Variants in ARHGAP15 observed in about 807,000 individuals in gnomAD.
ARHGAP15 encodes the protein rho GTPase-activating protein 15.
Under a neutral mutation model 63.7 loss-of-function variants are expected in ARHGAP15, and 51 were observed. The ratio of observed to expected loss-of-function variants is 0.80; its 90% CI spans 0.64 to 1.01. The LOEUF is 1.01. Among genes scored for constraint, ARHGAP15 ranks in the 50% least tolerant of loss-of-function variants. The pLI, the probability that ARHGAP15 is intolerant of heterozygous loss-of-function variation, is 0.00. For synonymous variants in ARHGAP15, 191 were observed against 193.8 expected, an observed-to-expected ratio of 0.99 and a Z score of 0.12; for missense variants, 560 against 564.6, an observed-to-expected ratio of 0.99 and a Z score of 0.08.
intron 8 of ARHGAP15, among the ~76,000 whole-genome samples, chr2:143,482,303 T>A (rs573416378): frequency 1.3e-5 from 2 of 152,306 alleles, no homozygotes; most frequent in South Asian, 4.1e-4. Context: ...ATCTTTAAAC[T>A]GCAGGAAGCT....
intron 12 of ARHGAP15, among the ~76,000 whole-genome samples, chr2:143,664,099 C>T (rs1373036644): frequency 6.6e-6 from 1 of 152,086 alleles, no homozygotes; most frequent in Non-Finnish European, 1.5e-5. Flanking sequence ...CCCAAATCAA[C>T]AGAATATACA....
intron 11 of ARHGAP15, among the ~76,000 whole-genome samples, chr2:143,583,409 T>C (rs1326217737): frequency 2.0e-5 from 3 of 152,182 alleles, no homozygotes; most frequent in Non-Finnish European, 2.9e-5. Context: ...TTGTATAACA[T>C]TGTCATTTGT....
At chr2:143,660,391 A>G (rs1027235819) in intron 12 of ARHGAP15, among the ~76,000 whole-genome samples, 1 of 152,332 alleles carries the variant, frequency 6.6e-6, no homozygotes, top group Admixed American at 6.5e-5. Flanking sequence ...CCAACGTTCC[A>G]TAGTTTTTGG....
chr2:143,250,243 C>G (rs2104976186), intron 5 of ARHGAP15, among the ~76,000 whole-genome samples: 1 of 151,986 alleles, frequency 6.6e-6, no homozygotes, highest in Admixed American at 6.6e-5. Context: ...CTAAAGAATA[C>G]CATCTCAAAA....
chr2:143,309,516 A>T (rs536575496), intron 6 of ARHGAP15, among the ~76,000 whole-genome samples: 2 of 152,078 alleles, frequency 1.3e-5, no homozygotes, highest in Admixed American at 1.3e-4. Flanking sequence ...AGTACATCGG[A>T]TACACTCCAC....
chr2:143,542,158 G>A (rs950834226), intron 10 of ARHGAP15, among the ~76,000 whole-genome samples: 1 of 152,216 alleles, frequency 6.6e-6, no homozygotes, highest in African/African-American at 2.4e-5. Flanking sequence ...GGCTTCGTGG[G>A]CGTAGGACCC....
intron 6 of ARHGAP15, among the ~76,000 whole-genome samples, chr2:143,354,207 A>G (rs1685706882): frequency 1.3e-5 from 2 of 152,138 alleles, no homozygotes; most frequent in South Asian, 4.1e-4. Context: ...TATGAGAGGC[A>G]GTTTTGAAAC....
chr2:143,752,781 G>A (rs990813757), intron 13 of ARHGAP15, among the ~76,000 whole-genome samples: 9 of 152,116 alleles, frequency 5.9e-5, no homozygotes, highest in Admixed American at 5.2e-4. Flanking sequence ...GAAGCTCTGG[G>A]GCACATAGAG....
chr2:143,610,890 G>A (rs1331438499), intron 11 of ARHGAP15, among the ~76,000 whole-genome samples: 8 of 151,930 alleles, frequency 5.3e-5, no homozygotes, highest in Admixed American at 2.6e-4. Context: ...CATCATGTCC[G>A]GCTAATTTTT....
At chr2:143,575,473 G>A (rs909794157) in intron 11 of ARHGAP15, among the ~76,000 whole-genome samples, 7 of 152,206 alleles carry the variant, frequency 4.6e-5, no homozygotes, top group East Asian at 1.9e-4. Context: ...ATGTTTCTGC[G>A]CCTTCCTGCA....
At chr2:143,301,014 G>C (rs1196864816) in intron 6 of ARHGAP15, among the ~76,000 whole-genome samples, 1 of 151,804 alleles carries the variant, frequency 6.6e-6, no homozygotes, top group Non-Finnish European at 1.5e-5. Context: ...CCCTCAGCAT[G>C]AACTCTAAGA....
intron 13 of ARHGAP15, among the ~76,000 whole-genome samples, chr2:143,743,210 CA>C (rs1686028034): frequency 6.6e-6 from 1 of 152,194 alleles, no homozygotes; most frequent in South Asian, 2.1e-4. Context: ...TGTCACTGGG[CA>C]ACCTCCCTGA....
At chr2:143,604,261 T>C (rs192754733) in intron 11 of ARHGAP15, among the ~76,000 whole-genome samples, 1 of 152,342 alleles carries the variant, frequency 6.6e-6, no homozygotes, top group East Asian at 1.9e-4. Flanking sequence ...TATAGGGTTT[T>C]ATATTAATTT....
At chr2:143,205,907 C>A (rs1024927759) in intron 3 of ARHGAP15, among the ~76,000 whole-genome samples, 1 of 152,024 alleles carries the variant, frequency 6.6e-6, no homozygotes, top group Non-Finnish European at 1.5e-5. Context: ...TGCTTCTGAC[C>A]TTATCATACC....
At chr2:143,516,710 G>T (rs1204474504) in intron 9 of ARHGAP15, among the ~76,000 whole-genome samples, 1 of 152,112 alleles carries the variant, frequency 6.6e-6, no homozygotes, top group Non-Finnish European at 1.5e-5. Flanking sequence ...TCCAGACAAT[G>T]TAAATCATTT....
At chr2:143,662,226 G>A (rs563901202) in intron 12 of ARHGAP15, among the ~76,000 whole-genome samples, 3 of 152,080 alleles carry the variant, frequency 2.0e-5, no homozygotes, top group East Asian at 1.9e-4. Context: ...TCTGAGAACG[G>A]GCAGACTGCC....
rs528445323 is a variant in ARHGAP15 at position 143,508,687 on chromosome 2, A to C, written c.827-10579A>C. On this transcript the variant is annotated intron_variant, in intron 9 of 13. Coordinates refer to ENST00000295095, the MANE Select transcript of ARHGAP15 (RefSeq NM_018460.4). ...AGAGATAGGTACAAAGTATTGACAA[A>C]GTTCTTGCCTTGAGTAGACAAATAT... 1.0e-3 allele frequency among the ~76,000 whole-genome samples: 156 copies of C among 151,588 alleles called. 1 individual carries two copies. Among genetic ancestry groups the C allele is most frequent in the African/African-American group, 3.7e-3 (153 of 41,258 alleles).
chr2:143,513,781 G>A (rs981850211), intron 9 of ARHGAP15, among the ~76,000 whole-genome samples: 81 of 152,252 alleles, frequency 5.3e-4, no homozygotes, highest in Admixed American at 1.1e-3. Flanking sequence ...TTTACCTGGT[G>A]GATCAGCTCA....
At chr2:143,409,626 C>T (rs548165589) in intron 6 of ARHGAP15, among the ~76,000 whole-genome samples, 59 of 152,110 alleles carry the variant, frequency 3.9e-4, no homozygotes, top group African/African-American at 1.4e-3. Context: ...TCAATGACAG[C>T]TCATATATGT....
Sources: allele counts gnomAD v4.1 joint callset (sites outside exome capture counted in the v4.1 genomes callset), GRCh38; gene constraint gnomAD v4.1.1; transcripts MANE v1.5; gene names NCBI Gene and HGNC (gene_info 2026-07-23, HGNC 2026-07-21).